Variants in PRDM1 observed in about 807,000 individuals in gnomAD.
PRDM1 encodes the protein PR/SET domain 1.
PRDM1 carries 13 observed loss-of-function variants against 62.8 expected under a neutral mutation model. That is an observed-to-expected ratio of 0.21 (90% confidence interval 0.13 to 0.33). PRDM1 has a LOEUF of 0.33. Ranked by LOEUF, PRDM1 falls within the 10% of genes least tolerant of loss-of-function variation. The pLI is 1.00. For missense variants in PRDM1, 895 were observed against 1,058.8 expected, an observed-to-expected ratio of 0.85 and a Z score of 2.15; for synonymous variants, 396 against 417.6, an observed-to-expected ratio of 0.95 and a Z score of 0.63.
Position 106,105,664 on chromosome 6 carries a change from G to A in PRDM1, c.1504G>A (p.Ala502Thr), listed in dbSNP as rs762241140. The change falls in exon 5 of 7, where the codon GCC becomes ACC. Residue 502 changes from alanine (A) to threonine (T), a missense_variant. Around this residue, in one of 4 missense-constraint regions of PRDM1, gnomAD observed 444 missense variants for 422.7 expected, o/e 1.05. Transcript: ENST00000369096. ...CAGTGCCTTCTCCTTTACCGGGGCCGCCGCCAGCATGAAGGACAAGGCCTG... is the reference window on the plus strand; with the variant it reads ...CAGTGCCTTCTCCTTTACCGGGGCCACCGCCAGCATGAAGGACAAGGCCTG... ...PHSAFSFTGA[A>T]ASMKDKACSP... The A allele has an allele frequency of 4.3e-6, 7 of 1,611,956 alleles. No individual in the cohort carries two copies. The highest frequency in any genetic ancestry group is 5.9e-6 in the Non-Finnish European group (7 of 1,178,460).
At position 106,086,443 on chromosome 6, in the gene PRDM1, C is replaced by A; in HGVS notation, c.-111C>A. 1.9e-6 allele frequency: 2 copies of A among 1,067,978 alleles called. No individual in the cohort carries two copies. Among genetic ancestry groups the A allele is most frequent in the Non-Finnish European group, 2.7e-6 (2 of 736,404 alleles). The allele number at this position is 1,067,978 out of a possible 1,614,324, so 66.2% of individuals were successfully genotyped here. On this transcript the variant is annotated 5_prime_UTR_variant, in exon 1 of 7. Coordinates refer to ENST00000369096, the MANE Select transcript of PRDM1 (RefSeq NM_001198.4). ...CGGAGCTGGGACGCGGGCGCCCGGG[C>A]GGCCGGACGAAGCGAGGAGGGACCG...
chr6:106,067,369 A>G (rs897265491), intron 1 of PRDM1, among the ~76,000 whole-genome samples: 7 of 152,216 alleles, frequency 4.6e-5, no homozygotes, highest in African/African-American at 1.2e-4. Context: ...AAAGCTAAAT[A>G]TAGAATTACC....
intron 1 of PRDM1, among the ~76,000 whole-genome samples, chr6:106,066,058 A>G (rs1187379224): frequency 1.3e-5 from 2 of 152,216 alleles, no homozygotes; most frequent in East Asian, 1.9e-4. Flanking sequence ...AGGATTTTCA[A>G]TTAGTTGGTT....
chr6:106,083,797 T>G (rs1219993960), upstream of PRDM1, among the ~76,000 whole-genome samples: 3 of 152,164 alleles, frequency 2.0e-5, no homozygotes, highest in Non-Finnish European at 4.4e-5. Context: ...TGCACCAAGT[T>G]ATTACTTAGA....
At chr6:106,030,457 G>A (rs529740638) in intron 1 of PRDM1, among the ~76,000 whole-genome samples, 28 of 152,248 alleles carry the variant, frequency 1.8e-4, no homozygotes, top group African/African-American at 6.5e-4. Flanking sequence ...ATAGCAGTGA[G>A]CCACCATACC....
At chr6:106,080,086 G>C (rs186702368) in intron 1 of PRDM1, among the ~76,000 whole-genome samples, 14 of 152,334 alleles carry the variant, frequency 9.2e-5, no homozygotes, top group Admixed American at 9.1e-4. Context: ...CTGTTGTTTA[G>C]ATAGAATTAC....
intron 1 of PRDM1, among the ~76,000 whole-genome samples, chr6:106,065,789 C>A (rs9386506): frequency 0.071 from 10,802 of 152,256 alleles, 533 homozygotes; most frequent in East Asian, 0.16. Flanking sequence ...ATGGATTGAA[C>A]CCATGACTTC....
intron 3 of PRDM1, among the ~76,000 whole-genome samples, chr6:106,096,405 C>CA (rs376017837): frequency 1.5e-4 from 23 of 152,272 alleles, no homozygotes; most frequent in African/African-American, 5.3e-4. Flanking sequence ...CTTGGCCTCC[C>CA]AAAGTGCTGG....
At position 106,086,494 on chromosome 6, in the gene PRDM1, GC is replaced by G. The variant is rs1373630336; in HGVS notation, c.-58del. On this transcript the variant is annotated 5_prime_UTR_variant, in exon 1 of 7. Coordinates refer to ENST00000369096, the MANE Select transcript of PRDM1 (RefSeq NM_001198.4). ...CCGAGGTGCGCGTCTGTGCGGCTCA[GC>G]CTGGCGGGGGACGCGGGGAGAATGT... The G allele has an allele frequency of 3.3e-6, 5 of 1,507,808 alleles. No homozygotes were observed. Among genetic ancestry groups the G allele is most frequent in the Non-Finnish European group, 4.5e-6 (5 of 1,110,092 alleles). The allele number at this position is 1,507,808 out of a possible 1,614,324, so 93.4% of individuals were successfully genotyped here. A position where few individuals can be genotyped will look rare whatever the true frequency, so the allele number is the denominator to read the frequency against.
chr6:106,089,538 G>T (rs1174318448), intron 2 of PRDM1, among the ~76,000 whole-genome samples: 1 of 152,180 alleles, frequency 6.6e-6, no homozygotes, highest in Non-Finnish European at 1.5e-5. Flanking sequence ...TTTTTGGTGA[G>T]GGGGAGACAC....
At chr6:106,041,040 T>C (rs1772987299) in intron 1 of PRDM1, among the ~76,000 whole-genome samples, 1 of 152,224 alleles carries the variant, frequency 6.6e-6, no homozygotes, top group Non-Finnish European at 1.5e-5. Flanking sequence ...GGAGAGGTAA[T>C]AGTAACACAG....
At chr6:106,014,885 T>C (rs544590740) in intron 1 of PRDM1, among the ~76,000 whole-genome samples, 25 of 152,096 alleles carry the variant, frequency 1.6e-4, no homozygotes, top group African/African-American at 5.1e-4. Flanking sequence ...TGAGCAGGGG[T>C]TTTGCTTTGT....
At chr6:106,099,171 G>A (rs186153504) in intron 3 of PRDM1, 129 bp from the exon 4 acceptor site, 3 of 1,603,372 alleles carry the variant, frequency 1.9e-6, no homozygotes, top group Non-Finnish European at 1.7e-6. Flanking sequence ...TAAACTGATT[G>A]GATTCTTTTT....
In PRDM1 at chr6:106,105,137, G is replaced by T. The variant is rs763109744; in HGVS notation, c.977G>T (p.Arg326Leu). 1 of 1,613,004 alleles carries T rather than the reference G, an allele frequency of 6.2e-7. No individual in the cohort carries two copies. The highest frequency in any genetic ancestry group is 8.5e-7 in the Non-Finnish European group (1 of 1,179,564). ...YGIERPTYITRSPIPSSTTPS... is the reference protein window; with the variant it reads ...YGIERPTYITLSPIPSSTTPS... ...ATCGAGAGACCCACGTACATCACTC[G>T]CTCCCCCATTCCATCCTCCACCACT... Residue 326 changes from arginine (R) to leucine (L), a missense_variant, in exon 5 of 7, where the codon CGC (arginine) becomes CTC (leucine). Arg to Leu is a moderately radical substitution (Grantham distance 102). Around this residue, in one of 4 missense-constraint regions of PRDM1, gnomAD observed 444 missense variants for 422.7 expected, o/e 1.05. Transcript: ENST00000369096.
intron 1 of PRDM1, among the ~76,000 whole-genome samples, chr6:106,010,224 G>T (rs1374204948): frequency 1.3e-5 from 2 of 152,146 alleles, no homozygotes; most frequent in African/African-American, 4.8e-5. Flanking sequence ...GGCACTCTTC[G>T]ACAGGCGTTT....
At chr6:106,055,105 A>C (rs1006455093) in intron 1 of PRDM1, among the ~76,000 whole-genome samples, 5 of 152,180 alleles carry the variant, frequency 3.3e-5, no homozygotes, top group African/African-American at 1.2e-4. Flanking sequence ...CCTGTCCTGG[A>C]TTATCTGAGC....
chr6:106,073,318 T>C (rs985772427), intron 1 of PRDM1, among the ~76,000 whole-genome samples: 1 of 152,114 alleles, frequency 6.6e-6, no homozygotes, highest in African/African-American at 2.4e-5. Flanking sequence ...TTTCACTATG[T>C]TGGCTAGGCT....
upstream of PRDM1, among the ~76,000 whole-genome samples, chr6:106,082,168 C>T (rs1773705929): frequency 6.6e-6 from 1 of 152,178 alleles, no homozygotes; most frequent in South Asian, 2.1e-4. Flanking sequence ...GTTAACAGTT[C>T]AGGTTTTGCC....
chr6:106,106,229 G>T lies in PRDM1; in HGVS notation c.1774-142G>T. ...GTGCTTTTAAGAAAAACACCATTCT[G>T]AAAACATGAAGATTTCTTCTTTTTA... is the stretch of plus-strand genomic sequence containing the variant. On this transcript the variant is annotated intron_variant, in intron 5 of 6. Coordinates refer to ENST00000369096, the MANE Select transcript of PRDM1 (RefSeq NM_001198.4). This position sits in a 1 kb window ranked among gnomAD's most constrained non-coding sequence, Gnocchi z 4.4. 7.4e-7 allele frequency: 1 copy of T among 1,346,964 alleles called. No individual in the cohort carries two copies. The highest frequency in any genetic ancestry group is 1.0e-6 in the Non-Finnish European group (1 of 991,690). The allele number at this position is 1,346,964 out of a possible 1,614,324, so 83.4% of individuals were successfully genotyped here. A position where few individuals can be genotyped will look rare whatever the true frequency, so the allele number is the denominator to read the frequency against.
Sources: allele counts gnomAD v4.1 joint callset (sites outside exome capture counted in the v4.1 genomes callset), GRCh38; gene constraint gnomAD v4.1.1; regional missense constraint gnomAD v4.1.1; non-coding constraint Gnocchi (gnomAD v3.1); transcripts MANE v1.5; gene names NCBI Gene and HGNC (gene_info 2026-07-23, HGNC 2026-07-21).